SERAC1: variants seen among roughly 807,000 people sequenced by gnomAD.
SERAC1 encodes the protein protein SERAC1.
A neutral mutation model predicts 85.7 loss-of-function variants in SERAC1; 36 were observed. The observed-to-expected ratio is 0.42, with a 90% CI of 0.32 to 0.55. The LOEUF (loss-of-function observed/expected upper bound fraction) is 0.55. SERAC1 is among the 20% of genes least tolerant of loss of function. The pLI is 0.11. For synonymous variants in SERAC1, 242 were observed against 265.3 expected (o/e 0.91, Z 0.85); for missense variants, 629 against 796.2 (o/e 0.79, Z 2.53).
intron 2 of SERAC1, among the ~76,000 whole-genome samples, chr6:158,156,097 C>T (rs1463081992): frequency 2.6e-5 from 4 of 152,016 alleles, no homozygotes; most frequent in Admixed American, 6.6e-5. Context: ...TGCAGTGAGC[C>T]GAGATTGTGC....
intron 2 of SERAC1, among the ~76,000 whole-genome samples, chr6:158,157,341 G>A (rs1400091251): frequency 6.6e-6 from 1 of 152,100 alleles, no homozygotes; most frequent in Non-Finnish European, 1.5e-5. Flanking sequence ...CCTTTGTTCA[G>A]AGCTTCAACT....
chr6:158,158,239 A>G (rs773264248), intron 2 of SERAC1, 34 bp downstream of exon 2: 1 of 1,480,912 alleles, frequency 6.8e-7, no homozygotes, highest in South Asian at 1.2e-5. Flanking sequence ...CACTGTTCCT[A>G]TAAGAAAATA....
intron 1 of SERAC1, among the ~76,000 whole-genome samples, chr6:158,162,698 TTC>T (rs1785513925): frequency 6.6e-6 from 1 of 152,222 alleles, no homozygotes; most frequent in African/African-American, 2.4e-5. Context: ...ATTCATCACC[TTC>T]TGTTTAGTTG....
intron 5 of SERAC1, among the ~76,000 whole-genome samples, chr6:158,147,765 T>C (rs1203305170): frequency 1.4e-5 from 1 of 72,164 alleles, no homozygotes; most frequent in African/African-American, 8.3e-5. Flanking sequence ...GAAGGCTCTG[T>C]CTCAAAAAAA....
chr6:158,153,705 C>A (rs552741602), intron 3 of SERAC1, among the ~76,000 whole-genome samples: 19 of 152,182 alleles, frequency 1.2e-4, no homozygotes, highest in Non-Finnish European at 2.8e-4. Context: ...TAAATCCTGA[C>A]ACAAAGATTG....
rs113911948 is a variant in SERAC1, at chr6:158,150,179, T to C, written c.265+274A>G. On this transcript the variant is annotated intron_variant, in intron 4 of 16. Transcript: ENST00000647468. Reference sequence around the variant, plus strand: ...GCCAAACTGAGAGCCAGCCTCTGTATTGACAGCCCCACTAAGATGTGGAAT... The same window carrying C: ...GCCAAACTGAGAGCCAGCCTCTGTACTGACAGCCCCACTAAGATGTGGAAT... Among the ~76,000 whole-genome samples, 713 of 152,336 alleles carry C rather than the reference T, an allele frequency of 4.7e-3. 5 individuals are homozygous for C. The highest frequency in any genetic ancestry group is 6.3e-3 in the Non-Finnish European group (432 of 68,040).
chr6:158,114,679 A>G, intron 15 of SERAC1, 110 bp downstream of exon 15: 2 of 1,554,448 alleles, frequency 1.3e-6, no homozygotes, highest in African/African-American at 2.8e-5. Context: ...AAACACAATT[A>G]TATACAAATT....
intron 10 of SERAC1, among the ~76,000 whole-genome samples, chr6:158,124,158 T>C (rs940100045): frequency 1.3e-5 from 2 of 152,110 alleles, no homozygotes; most frequent in South Asian, 4.1e-4. Context: ...TTTTTTTTTC[T>C]ATAATAAGAT....
At position 158,120,466 on chromosome 6, in the gene SERAC1, A is replaced by G. The variant is rs1241920782; in HGVS notation, c.1125T>C (p.Tyr375=). 2.5e-6 allele frequency: 4 copies of G among 1,614,030 alleles called. No homozygotes were observed. Among genetic ancestry groups the G allele is most frequent in the Admixed American group, 1.7e-5 (1 of 60,008 alleles). ...NLDRETVQEK[Y]QDGVYVLHPQ... The stretch of plus-strand genomic sequence containing the variant: ...GATGCAGCACATATACGCCATCCTG[A>G]TATTTTTCTTGCACAGTTTCTCGGT... Residue 375 remains tyrosine (Y), a synonymous_variant, in exon 11 of 17, where the codon TAT becomes TAC. Transcript: ENST00000647468. This position sits in a 1 kb window ranked among gnomAD's most constrained non-coding sequence, Gnocchi z 4.4.
rs367733861 is a variant in SERAC1 at position 158,113,595 on chromosome 6, G to A, written c.1685-3C>T. ...TAGTGTTTTAAGTGCAGGAGAATCTGTAAAATTATACAGAACAAGACTGTG... is the reference window on the plus strand; with the variant it reads ...TAGTGTTTTAAGTGCAGGAGAATCTATAAAATTATACAGAACAAGACTGTG... On this transcript the variant is annotated splice_polypyrimidine_tract_variant and splice_region_variant and intron_variant, in intron 15 of 16. Coordinates refer to ENST00000647468, the MANE Select transcript of SERAC1 (RefSeq NM_032861.4). 4 of 1,611,772 alleles carry A rather than the reference G, an allele frequency of 2.5e-6. No individual in the cohort carries two copies. Among genetic ancestry groups the A allele is most frequent in the Non-Finnish European group, 3.4e-6 (4 of 1,178,508 alleles).
intron 8 of SERAC1, among the ~76,000 whole-genome samples, chr6:158,141,278 G>C (rs956571176): frequency 2.6e-5 from 4 of 152,342 alleles, no homozygotes; most frequent in Admixed American, 2.0e-4. Context: ...GTTACCAGGG[G>C]CTGGAGAGGG....
At chr6:158,156,877 T>C (rs891348384) in intron 2 of SERAC1, among the ~76,000 whole-genome samples, 4 of 100,350 alleles carry the variant, frequency 4.0e-5, no homozygotes, top group Non-Finnish European at 8.4e-5. Flanking sequence ...TATATTTATA[T>C]AGATATTAAT....
intron 8 of SERAC1, among the ~76,000 whole-genome samples, chr6:158,142,821 A>T (rs1784949949): frequency 6.6e-6 from 1 of 152,156 alleles, no homozygotes; most frequent in Non-Finnish European, 1.5e-5. Context: ...GTGAAGCTGT[A>T]AATGACCTCT....
At chr6:158,131,972 A>G (rs73797644) in intron 8 of SERAC1, among the ~76,000 whole-genome samples, 2,500 of 152,036 alleles carry the variant, frequency 0.016, 80 homozygotes, top group African/African-American at 0.057. Context: ...GGTATAGAAC[A>G]GTGTGTATGT....
intron 2 of SERAC1, among the ~76,000 whole-genome samples, chr6:158,157,738 G>A (rs2128424709): frequency 6.6e-6 from 1 of 152,320 alleles, no homozygotes; most frequent in Middle Eastern, 3.4e-3. Context: ...TGGTAAACAA[G>A]ATAAAATACT....
At chr6:158,151,482 C>T (rs539993489) in intron 3 of SERAC1, among the ~76,000 whole-genome samples, 1 of 152,120 alleles carries the variant, frequency 6.6e-6, no homozygotes, top group South Asian at 2.1e-4. Flanking sequence ...AGTGCAGTGG[C>T]ACAATCTCGG....
intron 1 of SERAC1, among the ~76,000 whole-genome samples, chr6:158,167,324 T>C (rs896174343): frequency 6.8e-6 from 1 of 147,980 alleles, no homozygotes; most frequent in African/African-American, 2.5e-5. Flanking sequence ...GATCACCTGA[T>C]GTCAGGAATT....
At chr6:158,153,454 C>T (rs1238671661) in intron 3 of SERAC1, among the ~76,000 whole-genome samples, 5 of 151,992 alleles carry the variant, frequency 3.3e-5, no homozygotes, top group Non-Finnish European at 7.4e-5. Flanking sequence ...GTACGTGTTC[C>T]TCTATCTACA....
intron 4 of SERAC1, 104 bp downstream of exon 4, chr6:158,150,349 T>C (rs1196112573): frequency 2.3e-6 from 2 of 862,088 alleles, no homozygotes; most frequent in Non-Finnish European, 3.4e-6. Context: ...ATTCTTAGAA[T>C]TAGCTCAATC....
Sources: gnomAD v4.1 joint callset for allele counts (sites outside exome capture counted in the v4.1 genomes callset) on GRCh38, gnomAD v4.1.1 for gene constraint, Gnocchi (gnomAD v3.1) non-coding constraint, MANE v1.5 for transcripts, NCBI Gene and HGNC (gene_info 2026-07-23, HGNC 2026-07-21) for gene names.